Variants in CHRM3 observed in about 807,000 individuals in gnomAD.
CHRM3 encodes cholinergic receptor muscarinic 3.
CHRM3 carries 11 observed loss-of-function variants against 41.8 expected under a neutral mutation model. The ratio of observed to expected loss-of-function variants is 0.26; its 90% CI spans 0.17 to 0.44. CHRM3 has a LOEUF of 0.44. CHRM3 is among the 20% of genes least tolerant of loss of function. The pLI, the probability that CHRM3 is intolerant of heterozygous loss-of-function variation, is 1.00. For missense variants in CHRM3, 571 were observed against 745.4 expected (o/e 0.77, Z 2.72); for synonymous variants, 297 against 301.4 (o/e 0.99, Z 0.15).
chr1:239,649,330 T>C (rs1391750628), intron 4 of CHRM3, among the ~76,000 whole-genome samples: 1 of 152,182 alleles, frequency 6.6e-6, no homozygotes, highest in Non-Finnish European at 1.5e-5. Context: ...TGCTTGTGCC[T>C]TGATCGTGGA....
At chr1:239,503,900 T>G (rs960568122) in intron 2 of CHRM3, among the ~76,000 whole-genome samples, 1 of 152,138 alleles carries the variant, frequency 6.6e-6, no homozygotes, top group Non-Finnish European at 1.5e-5. Context: ...ATCTCTGGCC[T>G]TATAAAAAAT....
chr1:239,911,814 T>C lies in CHRM3; in HGVS notation c.*2590T>C, dbSNP rs1411908636. The C allele has an allele frequency of 6.0e-6, 1 of 166,982 alleles. No individual in the cohort carries two copies. 10.3% of individuals were successfully genotyped at this position (166,982 alleles called of 1,614,324 possible). ...TATCTACTGATTTTATAGAAAGGTA[T>C]GTCCATTTCTTGGGTCACTTTCAGA... On this transcript the variant is annotated 3_prime_UTR_variant, in exon 7 of 7. Transcript: ENST00000676153.
In CHRM3 at chr1:239,908,825, C is replaced by A; in HGVS notation, c.1374C>A (p.Phe458Leu). 4 of 1,614,144 alleles carry A rather than the reference C, an allele frequency of 2.5e-6. No individual in the cohort carries two copies. The highest frequency in any genetic ancestry group is 3.4e-6 in the Non-Finnish European group (4 of 1,180,034). Reference protein sequence around the residue: ...GKSTATLPLSFKEATLAKRFA... With the variant: ...GKSTATLPLSLKEATLAKRFA... ...GCACGGCCACTCTACCTCTGTCCTT[C>A]AAGGAAGCCACTCTGGCCAAGAGGT... Residue 458 changes from phenylalanine to leucine, a missense_variant, in exon 7 of 7, where the codon TTC becomes TTA. Around this residue, in one of 5 missense-constraint regions of CHRM3, gnomAD observed 239 missense variants for 239.6 expected, o/e 1.00. Transcript: ENST00000676153. This position sits in a 1 kb window ranked among gnomAD's most constrained non-coding sequence, Gnocchi z 7.2.
At chr1:239,808,649 A>G (rs1467367158) in intron 5 of CHRM3, among the ~76,000 whole-genome samples, 1 of 152,190 alleles carries the variant, frequency 6.6e-6, no homozygotes, top group African/African-American at 2.4e-5. Context: ...CTATAACTAG[A>G]AGTGGATCAT....
intron 3 of CHRM3, among the ~76,000 whole-genome samples, chr1:239,622,306 G>A (rs1202469197): frequency 6.6e-6 from 1 of 152,112 alleles, no homozygotes; most frequent in Non-Finnish European, 1.5e-5. Flanking sequence ...ATGAATCAAG[G>A]AGCAATTTTG....
At chr1:239,574,984 G>A (rs1250403293) in intron 3 of CHRM3, among the ~76,000 whole-genome samples, 1 of 152,168 alleles carries the variant, frequency 6.6e-6, no homozygotes, top group Non-Finnish European at 1.5e-5. Flanking sequence ...GTTGCCAACA[G>A]AATAGACGGC....
chr1:239,418,607 A>C (rs1661691980), intron 1 of CHRM3, among the ~76,000 whole-genome samples: 1 of 152,180 alleles, frequency 6.6e-6, no homozygotes, highest in Non-Finnish European at 1.5e-5. Context: ...TTTCACTTCT[A>C]GCAAACATTT....
intron 6 of CHRM3, among the ~76,000 whole-genome samples, chr1:239,871,158 T>A (rs533358727): frequency 1.3e-5 from 2 of 152,188 alleles, no homozygotes; most frequent in Non-Finnish European, 2.9e-5. Context: ...TATAATGTTA[T>A]CTAGAAAGAG....
chr1:239,586,708 C>G (rs1189134177), intron 3 of CHRM3, among the ~76,000 whole-genome samples: 2 of 151,918 alleles, frequency 1.3e-5, no homozygotes, highest in Non-Finnish European at 2.9e-5. Flanking sequence ...AATTTTGACA[C>G]TCAGGCAAAA....
At chr1:239,639,194 G>A (rs926644568) in intron 4 of CHRM3, among the ~76,000 whole-genome samples, 1 of 152,142 alleles carries the variant, frequency 6.6e-6, no homozygotes, top group Non-Finnish European at 1.5e-5. Flanking sequence ...AAGTCAGGTA[G>A]TATGATGCCT....
intron 2 of CHRM3, among the ~76,000 whole-genome samples, chr1:239,535,219 G>A (rs191332419): frequency 1.8e-4 from 27 of 152,180 alleles, no homozygotes; most frequent in East Asian, 5.8e-4. Flanking sequence ...CCAATCAACC[G>A]TGCCAGTGGC....
intron 3 of CHRM3, among the ~76,000 whole-genome samples, chr1:239,553,942 G>T (rs1314556977): frequency 6.6e-6 from 1 of 152,148 alleles, no homozygotes; most frequent in African/African-American, 2.4e-5. Context: ...AGGCTAGAGT[G>T]CAGTGGCATG....
chr1:239,767,933 A>C (rs548114096), intron 5 of CHRM3, among the ~76,000 whole-genome samples: 16 of 152,190 alleles, frequency 1.1e-4, no homozygotes, highest in Admixed American at 9.2e-4. Context: ...GGGACGTGAG[A>C]GCCTGCATTT....
At chr1:239,862,817 C>A (rs1056934494) in intron 6 of CHRM3, among the ~76,000 whole-genome samples, 1 of 152,182 alleles carries the variant, frequency 6.6e-6, no homozygotes, top group Admixed American at 6.5e-5. Context: ...TCCATTTGAT[C>A]TATACTGGTC....
At chr1:239,773,059 A>T (rs1284694518) in intron 5 of CHRM3, among the ~76,000 whole-genome samples, 1 of 152,200 alleles carries the variant, frequency 6.6e-6, no homozygotes, top group Non-Finnish European at 1.5e-5. Flanking sequence ...TCTTAGTGAT[A>T]TGATAGGGAG....
intron 1 of CHRM3, among the ~76,000 whole-genome samples, chr1:239,431,585 C>T (rs1662838181): frequency 6.6e-6 from 1 of 152,134 alleles, no homozygotes; most frequent in Non-Finnish European, 1.5e-5. Flanking sequence ...TTTAAGTTCC[C>T]TGAGATCCCC....
chr1:239,603,218 T>C (rs1221958134), intron 3 of CHRM3, among the ~76,000 whole-genome samples: 1 of 152,252 alleles, frequency 6.6e-6, no homozygotes, highest in Non-Finnish European at 1.5e-5. Flanking sequence ...GGTTTTGTTT[T>C]TTGTAAGTAT....
intron 1 of CHRM3, among the ~76,000 whole-genome samples, chr1:239,408,576 T>TGAGA (rs1433368010): frequency 6.8e-6 from 1 of 147,368 alleles, no homozygotes; most frequent in Non-Finnish European, 1.5e-5. Flanking sequence ...CAGTCTTGGG[T>TGAGA]ATGTCCTTAT....
intron 1 of CHRM3, among the ~76,000 whole-genome samples, chr1:239,393,821 A>C (rs571858559): frequency 2.8e-4 from 43 of 152,348 alleles, no homozygotes; most frequent in African/African-American, 9.6e-4. Context: ...ATTTATTTTG[A>C]TTCTCTCCAA....
Sources: allele counts gnomAD v4.1 joint callset (sites outside exome capture counted in the v4.1 genomes callset), GRCh38; gene constraint gnomAD v4.1.1; regional missense constraint gnomAD v4.1.1; non-coding constraint Gnocchi (gnomAD v3.1); transcripts MANE v1.5; gene names NCBI Gene and HGNC (gene_info 2026-07-23, HGNC 2026-07-21).